ZMIZ1: variants seen among roughly 807,000 people sequenced by gnomAD.
ZMIZ1 encodes the protein zinc finger MIZ-type containing 1, also known as zinc finger MIZ domain-containing protein 1.
ZMIZ1 carries 17 observed loss-of-function variants against 113.9 expected under a neutral mutation model. The observed-to-expected ratio is 0.15, with a 90% CI of 0.10 to 0.22. ZMIZ1 has a LOEUF of 0.22. Ranked by LOEUF, ZMIZ1 falls within the 10% of genes least tolerant of loss-of-function variation. ZMIZ1 has a pLI of 1.00. For synonymous variants in ZMIZ1, 607 were observed against 603.1 expected, an observed-to-expected ratio of 1.01 and a Z score of -0.09; for missense variants, 1,059 against 1,477.8, an observed-to-expected ratio of 0.72 and a Z score of 4.65.
intron 7 of ZMIZ1, among the ~76,000 whole-genome samples, chr10:79,253,383 G>A (rs929308164): frequency 2.6e-5 from 4 of 152,132 alleles, no homozygotes; most frequent in African/African-American, 9.7e-5. Context: ...ACATAGGAGG[G>A]GCACATGGGG....
rs140278805 is a variant in ZMIZ1 at position 79,314,588 on chromosome 10, G to A, written c.*1839G>A. 1.0e-4 allele frequency: 25 copies of A among 246,686 alleles called. No homozygotes were observed. The East Asian group carries it at 1.8e-3, about 18-fold the overall frequency. 15.3% of individuals were successfully genotyped at this position (246,686 alleles called of 1,614,324 possible). On this transcript the variant is annotated 3_prime_UTR_variant, in exon 25 of 25. Coordinates refer to ENST00000334512, the MANE Select transcript of ZMIZ1 (RefSeq NM_020338.4). The stretch of plus-strand genomic sequence containing the variant: ...ATATCTTTGTGAATATTTTAGTATC[G>A]TCTTTGATAATATTCAACATTTTCA...
intron 7 of ZMIZ1, among the ~76,000 whole-genome samples, chr10:79,253,852 A>T (rs908916946): frequency 2.0e-5 from 3 of 151,976 alleles, no homozygotes; most frequent in African/African-American, 7.2e-5. Flanking sequence ...GGGCCTGCAC[A>T]CATGGCCCCA....
intron 3 of ZMIZ1, among the ~76,000 whole-genome samples, chr10:79,140,468 A>C (rs1845209564): frequency 6.6e-6 from 1 of 152,130 alleles, no homozygotes; most frequent in Admixed American, 6.5e-5. Flanking sequence ...ACCGTACTGC[A>C]CTCATCCTCT....
Position 79,315,912 on chromosome 10 carries a change from A to G in ZMIZ1, c.*3163A>G, listed in dbSNP as rs1378540797. ...GTGGAAAAACTAGATCCTGTTGGTT[A>G]TAGCATTTGTGAGTTCTCCACGTCT... On this transcript the variant is annotated 3_prime_UTR_variant, in exon 25 of 25. Transcript: ENST00000334512. The G allele has an allele frequency of 6.6e-6, 1 of 152,284 alleles. No individual in the cohort carries two copies. Among genetic ancestry groups the G allele is most frequent in the Non-Finnish European group, 1.5e-5 (1 of 67,992 alleles). The allele number at this position is 152,284 out of a possible 1,614,324, so 9.4% of individuals were successfully genotyped here.
intron 3 of ZMIZ1, among the ~76,000 whole-genome samples, chr10:79,154,602 G>A (rs560236623): frequency 2.6e-4 from 40 of 152,362 alleles, no homozygotes; most frequent in African/African-American, 9.4e-4. Flanking sequence ...CCTGGAAAAG[G>A]GATGGCTGTG....
chr10:79,276,728 A>G (rs1852315798), intron 7 of ZMIZ1, among the ~76,000 whole-genome samples: 1 of 152,118 alleles, frequency 6.6e-6, no homozygotes, highest in South Asian at 2.1e-4. Flanking sequence ...CATGGGGAGA[A>G]GCCACGCTTT....
rs1217721804 is a variant in ZMIZ1 at position 79,314,229 on chromosome 10, G to A, written c.*1480G>A. ...TGTTCACTTTGTTTCAGGCTGGTCT[G>A]TGCCCCGTGAGCCACATGGCCTAGG... On this transcript the variant is annotated 3_prime_UTR_variant, in exon 25 of 25. Coordinates refer to ENST00000334512, the MANE Select transcript of ZMIZ1 (RefSeq NM_020338.4). 2.2e-6 allele frequency: 1 copy of A among 457,044 alleles called. No homozygotes were observed. The highest frequency in any genetic ancestry group is 4.4e-6 in the Non-Finnish European group (1 of 227,006). 28.3% of individuals were successfully genotyped at this position (457,044 alleles called of 1,614,324 possible).
chr10:79,165,212 G>A (rs1175105651), intron 4 of ZMIZ1, among the ~76,000 whole-genome samples: 1 of 152,174 alleles, frequency 6.6e-6, no homozygotes, highest in Non-Finnish European at 1.5e-5. Context: ...CTTCAGGAGA[G>A]GGCAGCAGAT....
chr10:79,279,129 G>A (rs1370729688), intron 8 of ZMIZ1, among the ~76,000 whole-genome samples: 1 of 150,194 alleles, frequency 6.7e-6, no homozygotes, highest in Non-Finnish European at 1.5e-5. Context: ...CCCGGACGGG[G>A]CGGCTGGCCG....
intron 7 of ZMIZ1, among the ~76,000 whole-genome samples, chr10:79,265,118 C>CA (rs1851510982): frequency 6.6e-6 from 1 of 152,146 alleles, no homozygotes; most frequent in Non-Finnish European, 1.5e-5. Flanking sequence ...TCACACGCCT[C>CA]GAGGCTCCCA....
At chr10:79,169,172 C>T (rs997414799) in intron 4 of ZMIZ1, among the ~76,000 whole-genome samples, 1 of 152,236 alleles carries the variant, frequency 6.6e-6, no homozygotes, top group African/African-American at 2.4e-5. Flanking sequence ...GACAGGCTGG[C>T]ATGAGACGGC....
intron 4 of ZMIZ1, among the ~76,000 whole-genome samples, chr10:79,167,988 C>G (rs1846428611): frequency 6.6e-6 from 1 of 152,160 alleles, no homozygotes; most frequent in South Asian, 2.1e-4. Flanking sequence ...TCCCCAGAGC[C>G]TGGCCCTGCC....
chr10:79,155,288 G>C (rs1384737822), intron 3 of ZMIZ1, among the ~76,000 whole-genome samples: 3 of 152,224 alleles, frequency 2.0e-5, no homozygotes, highest in Non-Finnish European at 4.4e-5. Flanking sequence ...ATTGCTTGGA[G>C]GTGTTGGCTG....
At chr10:79,088,912 G>C (rs974984555) in intron 1 of ZMIZ1, among the ~76,000 whole-genome samples, 2 of 152,234 alleles carry the variant, frequency 1.3e-5, no homozygotes, top group East Asian at 3.8e-4. Flanking sequence ...CCTCTGAAGT[G>C]GGTGGTATTA....
intron 1 of ZMIZ1, among the ~76,000 whole-genome samples, chr10:79,094,695 T>C (rs1028007407): frequency 8.5e-5 from 13 of 152,326 alleles, no homozygotes; most frequent in Admixed American, 7.8e-4. Flanking sequence ...ACGCCTCTAA[T>C]CCCTGCACTT....
chr10:79,306,052 A>C (rs764294765), intron 21 of ZMIZ1, 48 bp from the exon 22 acceptor site: 2 of 1,586,336 alleles, frequency 1.3e-6, no homozygotes, highest in South Asian at 1.1e-5. Flanking sequence ...TTTTATGCCC[A>C]AAGCCAGGCA....
chr10:79,282,527 G>T (rs570827254), intron 8 of ZMIZ1, among the ~76,000 whole-genome samples: 1 of 152,200 alleles, frequency 6.6e-6, no homozygotes, highest in Non-Finnish European at 1.5e-5. Flanking sequence ...TGGAGAGCTC[G>T]GGTGTCACAA....
chr10:79,155,589 G>A (rs1589349018), intron 3 of ZMIZ1, among the ~76,000 whole-genome samples: 1 of 152,340 alleles, frequency 6.6e-6, no homozygotes, highest in Admixed American at 6.5e-5. Flanking sequence ...GGCAGGACGG[G>A]CAGAAGTCAT....
intron 1 of ZMIZ1, among the ~76,000 whole-genome samples, chr10:79,116,008 T>C (rs186797492): frequency 4.6e-4 from 70 of 152,314 alleles, no homozygotes; most frequent in African/African-American, 1.7e-3. Flanking sequence ...TGCAATTTTG[T>C]TTTAATAGAT....
Sources: gnomAD v4.1 joint callset for allele counts (sites outside exome capture counted in the v4.1 genomes callset) on GRCh38, gnomAD v4.1.1 for gene constraint, MANE v1.5 for transcripts, NCBI Gene and HGNC (gene_info 2026-07-23, HGNC 2026-07-21) for gene names.